FNDC3A: variants seen among roughly 807,000 people sequenced by gnomAD.
FNDC3A encodes the protein fibronectin type-III domain-containing protein 3A.
In FNDC3A, 32 loss-of-function variants were observed where a neutral mutation model predicts 148.9. The ratio of observed to expected loss-of-function variants is 0.21; its 90% confidence interval spans 0.16 to 0.29. FNDC3A has a LOEUF of 0.29. FNDC3A is among the 10% of genes least tolerant of loss of function. FNDC3A has a pLI of 1.00. For missense variants in FNDC3A, 1,191 were observed against 1,452.8 expected (o/e 0.82, Z 2.93); for synonymous variants, 472 against 473.6 (o/e 1.00, Z 0.04).
Position 49,110,463 on chromosome 13 carries a change from TTAATC to T in FNDC3A, c.176-4188_176-4184del, listed in dbSNP as rs575300913. ...TTATTTTAAGACAGAAAGCATTGTA[TTAATC>T]TAAAGTCATGCCGTGTGTTTTTAAA... On this transcript the variant is annotated intron_variant, in intron 3 of 25. Transcript: ENST00000492622. The T allele has an allele frequency of 5.3e-4, 626 of 1,173,476 alleles. 3 individuals carry two copies. In the East Asian group the frequency reaches 0.011, roughly 20 times the overall value. 72.7% of individuals were successfully genotyped at this position (1,173,476 alleles called of 1,614,324 possible). A position where few individuals can be genotyped will look rare whatever the true frequency, so the allele number is the denominator to read the frequency against.
At chr13:49,201,066 A>C (rs934099571) in intron 23 of FNDC3A, 7 of 165,942 alleles carry the variant, frequency 4.2e-5, no homozygotes, top group Non-Finnish European at 6.6e-5. Flanking sequence ...TAACTTGGCT[A>C]CAATTTTCAG....
intron 4 of FNDC3A, among the ~76,000 whole-genome samples, chr13:49,128,255 T>C (rs552014394): frequency 1.1e-4 from 16 of 152,332 alleles, no homozygotes; most frequent in African/African-American, 3.8e-4. Flanking sequence ...TTAGCTGTGA[T>C]CATCTCTTGC....
In FNDC3A at chr13:49,099,960, C is replaced by T. The variant is rs188943825; in HGVS notation, c.176-14695C>T. Among the ~76,000 whole-genome samples the T allele has an allele frequency of 2.0e-4, 30 of 151,816 alleles. No homozygotes were observed. In the East Asian group the frequency reaches 5.6e-3, roughly 28 times the overall value. On this transcript the variant is annotated intron_variant, in intron 3 of 25. Transcript: ENST00000492622. ...GTATCAGCAGCTTTAAGTTTATAAA[C>T]CATAAAATACAACATTGTAAGCAAT... is the stretch of plus-strand genomic sequence containing the variant.
intron 14 of FNDC3A, among the ~76,000 whole-genome samples, chr13:49,182,317 C>G (rs1413388368): frequency 3.3e-5 from 5 of 152,100 alleles, no homozygotes; most frequent in African/African-American, 1.2e-4. Flanking sequence ...CACAGCAAAG[C>G]AGTCAGAATT....
At chr13:49,120,523 C>A (rs943957694) in intron 4 of FNDC3A, among the ~76,000 whole-genome samples, 13 of 151,976 alleles carry the variant, frequency 8.6e-5, no homozygotes, top group African/African-American at 3.1e-4. Context: ...GCTAAATGCC[C>A]CAATTAAAAG....
At position 48,989,508 on chromosome 13, in the gene FNDC3A, A is replaced by G. The variant is rs529889944; in HGVS notation, c.-40+13331A>G. On this transcript the variant is annotated intron_variant, in intron 1 of 25. Transcript: ENST00000492622. ...TAAAATTACGTGTCAAAGACATACT[A>G]CATTAATGGCATGTTAGACTTTGTC... Among the ~76,000 whole-genome samples, 6 of 152,388 alleles carry G rather than the reference A, an allele frequency of 3.9e-5. No homozygotes were observed. The South Asian group carries it at 1.2e-3, about 32-fold the overall frequency.
At chr13:49,031,993 T>G (rs553937525) in intron 2 of FNDC3A, among the ~76,000 whole-genome samples, 1 of 152,210 alleles carries the variant, frequency 6.6e-6, no homozygotes, top group African/African-American at 2.4e-5. Flanking sequence ...ATTTGAAAAG[T>G]CATTTCTTCA....
intron 4 of FNDC3A, among the ~76,000 whole-genome samples, chr13:49,116,700 C>G (rs541222678): frequency 6.6e-6 from 1 of 151,524 alleles, no homozygotes; most frequent in South Asian, 2.1e-4. Context: ...GCAGGAGAAT[C>G]GCTTGAACCT....
At chr13:49,070,272 C>T (rs529964100) in intron 2 of FNDC3A, among the ~76,000 whole-genome samples, 161 of 152,130 alleles carry the variant, frequency 1.1e-3, no homozygotes, top group African/African-American at 3.5e-3. Context: ...GCTGGGGTTA[C>T]AGGCACCCGC....
intron 5 of FNDC3A, 107 bp downstream of exon 5, chr13:49,131,481 T>A: frequency 1.2e-6 from 1 of 830,610 alleles, no homozygotes; most frequent in Non-Finnish European, 2.0e-6. Context: ...ATGGTAATGA[T>A]GTAACAGGCA....
At chr13:49,028,186 G>T (rs1345479099) in intron 2 of FNDC3A, among the ~76,000 whole-genome samples, 1 of 151,792 alleles carries the variant, frequency 6.6e-6, no homozygotes, top group Non-Finnish European at 1.5e-5. Context: ...CTGTACTCTA[G>T]CCTGGGCAAC....
intron 2 of FNDC3A, among the ~76,000 whole-genome samples, chr13:49,055,305 T>C (rs1876150696): frequency 6.6e-6 from 1 of 152,086 alleles, no homozygotes; most frequent in African/African-American, 2.4e-5. Context: ...CCTTGCTGTG[T>C]TGCCCAGTGT....
At chr13:49,179,862 C>G (rs80114106) in intron 14 of FNDC3A, among the ~76,000 whole-genome samples, 4,578 of 152,170 alleles carry the variant, frequency 0.03, 110 homozygotes, top group Non-Finnish European at 0.044. Context: ...CTCAAAGCAC[C>G]AGGATCCTTT....
intron 8 of FNDC3A, among the ~76,000 whole-genome samples, chr13:49,164,195 C>T (rs954447796): frequency 2.6e-5 from 4 of 152,170 alleles, no homozygotes; most frequent in Admixed American, 6.5e-5. Context: ...TTTCTTTCAG[C>T]ACTTTGAATA....
In FNDC3A at chr13:49,188,607, T is replaced by A; in HGVS notation, c.1918T>A (p.Cys640Ser). The change falls in exon 17 of 26, where the codon TGC becomes AGC. Residue 640 changes from cysteine (C) to serine (S), a missense_variant. Physicochemically the swap from Cys to Ser is moderately radical, Grantham distance 112. Transcript: ENST00000492622. Reference protein sequence around the residue: ...PGCFYRLRVYCISDGGQSAVS... With the variant: ...PGCFYRLRVYSISDGGQSAVS... ...CTGTTTCTATCGTTTACGAGTTTAC[T>A]GCATCAGTGATGGAGGACAGAGTGC... is the stretch of plus-strand genomic sequence containing the variant. The A allele has an allele frequency of 6.2e-7, 1 of 1,612,456 alleles. No individual in the cohort carries two copies. Among genetic ancestry groups the A allele is most frequent in the East Asian group, 2.2e-5 (1 of 44,862 alleles).
At chr13:49,019,199 G>T (rs944702056) in intron 2 of FNDC3A, among the ~76,000 whole-genome samples, 7 of 152,030 alleles carry the variant, frequency 4.6e-5, no homozygotes, top group African/African-American at 1.7e-4. Flanking sequence ...CCCTCCCCCA[G>T]CCTCGCTGCT....
chr13:49,158,817 C>G (rs1417168323), intron 8 of FNDC3A, among the ~76,000 whole-genome samples: 1 of 152,136 alleles, frequency 6.6e-6, no homozygotes, highest in African/African-American at 2.4e-5. Flanking sequence ...GGAAGGGATC[C>G]AGTTTCAGCT....
chr13:49,116,360 T>A (rs1342686116), intron 4 of FNDC3A, among the ~76,000 whole-genome samples: 1 of 152,224 alleles, frequency 6.6e-6, no homozygotes, highest in Non-Finnish European at 1.5e-5. Flanking sequence ...TTCAACAGTG[T>A]TCCACAAATA....
At chr13:49,044,527 A>C (rs1875206313) in intron 2 of FNDC3A, 2 of 166,138 alleles carry the variant, frequency 1.2e-5, no homozygotes, top group South Asian at 3.0e-4. Context: ...AAAATTAGCC[A>C]GGTGTGGTGG....
Sources: gnomAD v4.1 joint callset for allele counts (sites outside exome capture counted in the v4.1 genomes callset) on GRCh38, gnomAD v4.1.1 for gene constraint, MANE v1.5 for transcripts, NCBI Gene and HGNC (gene_info 2026-07-23, HGNC 2026-07-21) for gene names.